The following CDC42BPA variants were observed in gnomAD, a reference collection of about 807,000 sequenced individuals.
The protein encoded by CDC42BPA is CDC42 binding protein kinase alpha, also known as serine/threonine-protein kinase MRCK alpha.
A neutral mutation model predicts 223.5 loss-of-function variants in CDC42BPA; 80 were observed. The observed-to-expected ratio is 0.36, with a 90% CI of 0.30 to 0.43. The LOEUF is 0.43. Among genes scored for constraint, CDC42BPA ranks in the 20% least tolerant of loss-of-function variants. CDC42BPA has a pLI of 1.00. For synonymous variants in CDC42BPA, 694 were observed against 718.6 expected, an observed-to-expected ratio of 0.97 and a Z score of 0.55; for missense variants, 1,743 against 2,099.9, an observed-to-expected ratio of 0.83 and a Z score of 3.32.
intron 34 of CDC42BPA, among the ~76,000 whole-genome samples, chr1:227,007,532 T>G (rs1364189306): frequency 6.6e-6 from 1 of 152,194 alleles, no homozygotes. Context: ...CAACATAATT[T>G]AAGAGTTGAT....
Position 227,139,640 on chromosome 1 carries a change from T to C in CDC42BPA, c.1326A>G (p.Glu442=), listed in dbSNP as rs1659308192. ...GGCGCTTAATTCTTCTTTCATAAGC[T>C]TCAGTTGCTAAGTTGTTGTCTAGAG... ...QRTLDNNLAT[E]AYERRIKRLE... The change falls in exon 10 of 37, where the codon GAA becomes GAG. Residue 442 remains glutamate (E), a synonymous_variant. Transcript: ENST00000366766. 1 of 1,611,942 alleles carries C rather than the reference T, an allele frequency of 6.2e-7. No individual in the cohort carries two copies. The highest frequency in any genetic ancestry group is 8.5e-7 in the Non-Finnish European group (1 of 1,179,118).
intron 2 of CDC42BPA, among the ~76,000 whole-genome samples, chr1:227,249,250 T>A (rs1461200061): frequency 6.6e-6 from 1 of 152,140 alleles, no homozygotes; most frequent in Non-Finnish European, 1.5e-5. Flanking sequence ...GGAAATTTGA[T>A]CCCTATCTCT....
At chr1:227,195,894 A>G (rs6426585) in intron 4 of CDC42BPA, among the ~76,000 whole-genome samples, 103,798 of 152,020 alleles carry the variant, frequency 0.68, 35,671 homozygotes, top group South Asian at 0.74. Context: ...AGCCCCTTCC[A>G]ATTGTTAAGA....
chr1:227,280,028 A>T (rs1687752093), intron 1 of CDC42BPA, among the ~76,000 whole-genome samples: 2 of 152,208 alleles, frequency 1.3e-5, no homozygotes, highest in Admixed American at 6.6e-5. Context: ...ACTGTAATCC[A>T]GCCTGGGCCA....
At chr1:227,117,006 A>G (rs1486996837) in intron 12 of CDC42BPA, among the ~76,000 whole-genome samples, 1 of 152,176 alleles carries the variant, frequency 6.6e-6, no homozygotes, top group Non-Finnish European at 1.5e-5. Context: ...GAACAGGAGA[A>G]AGCAGGAAGC....
intron 1 of CDC42BPA, among the ~76,000 whole-genome samples, chr1:227,290,752 T>A (rs996086258): frequency 6.6e-6 from 1 of 152,188 alleles, no homozygotes; most frequent in Non-Finnish European, 1.5e-5. Context: ...CTATAATGCA[T>A]CCTTTCCTCT....
chr1:227,098,015 A>G (rs1684335333), intron 15 of CDC42BPA, among the ~76,000 whole-genome samples: 1 of 152,192 alleles, frequency 6.6e-6, no homozygotes, highest in Admixed American at 6.5e-5. Flanking sequence ...GCTTTTTAAC[A>G]AACTTTCACT....
At chr1:227,274,234 C>G (rs1017415698) in intron 1 of CDC42BPA, among the ~76,000 whole-genome samples, 1 of 152,116 alleles carries the variant, frequency 6.6e-6, no homozygotes, top group African/African-American at 2.4e-5. Context: ...CACAAAAATT[C>G]TCCACCTTCC....
intron 10 of CDC42BPA, among the ~76,000 whole-genome samples, chr1:227,133,866 C>G (rs1414658040): frequency 6.6e-6 from 1 of 151,988 alleles, no homozygotes; most frequent in Admixed American, 6.6e-5. Context: ...AACCAGAGAC[C>G]TTTGTTCACT....
intron 20 of CDC42BPA, among the ~76,000 whole-genome samples, chr1:227,070,643 A>T (rs895878788): frequency 6.6e-6 from 1 of 151,868 alleles, no homozygotes; most frequent in African/African-American, 2.4e-5. Context: ...TCAAATATTG[A>T]GAGTGTGCCA....
intron 32 of CDC42BPA, among the ~76,000 whole-genome samples, chr1:227,022,067 T>C (rs1038215577): frequency 1.3e-5 from 2 of 151,870 alleles, no homozygotes; most frequent in Non-Finnish European, 2.9e-5. Flanking sequence ...TACCCCAAAA[T>C]AATGGGTCTA....
intron 11 of CDC42BPA, among the ~76,000 whole-genome samples, chr1:227,122,360 A>G (rs540434786): frequency 6.6e-6 from 1 of 152,276 alleles, no homozygotes; most frequent in East Asian, 1.9e-4. Context: ...TTACTGACTT[A>G]TTTCAACAGC....
chr1:227,027,018 T>C (rs1426043189), intron 30 of CDC42BPA, among the ~76,000 whole-genome samples: 3 of 152,142 alleles, frequency 2.0e-5, no homozygotes, highest in Non-Finnish European at 4.4e-5. Context: ...GCCTCGAACT[T>C]CTGGCCTCAA....
At chr1:227,249,254 T>A (rs949068015) in intron 2 of CDC42BPA, among the ~76,000 whole-genome samples, 1 of 152,210 alleles carries the variant, frequency 6.6e-6, no homozygotes, top group Admixed American at 6.5e-5. Flanking sequence ...ATTTGATCCC[T>A]ATCTCTCACC....
At chr1:227,151,990 A>G (rs1342331827) in intron 6 of CDC42BPA, among the ~76,000 whole-genome samples, 1 of 151,888 alleles carries the variant, frequency 6.6e-6, no homozygotes, top group East Asian at 1.9e-4. Context: ...CGCCACTGAC[A>G]CCAGCCTAGG....
intron 3 of CDC42BPA, among the ~76,000 whole-genome samples, chr1:227,202,082 G>C (rs992270426): frequency 1.3e-5 from 2 of 152,052 alleles, no homozygotes; most frequent in Non-Finnish European, 2.9e-5. Context: ...CTCCGGGTGT[G>C]AGCAATTCTC....
intron 6 of CDC42BPA, among the ~76,000 whole-genome samples, chr1:227,154,658 T>A (rs1036078347): frequency 6.6e-6 from 1 of 151,978 alleles, no homozygotes. Context: ...TAGGAGCAAA[T>A]CTAACTCATC....
intron 23 of CDC42BPA, among the ~76,000 whole-genome samples, chr1:227,042,518 C>G (rs1441262695): frequency 6.6e-6 from 1 of 152,038 alleles, no homozygotes; most frequent in Non-Finnish European, 1.5e-5. Context: ...TCACTAATCT[C>G]CACTAAGGAT....
chr1:227,300,691 G>C (rs1399244273), intron 1 of CDC42BPA, among the ~76,000 whole-genome samples: 3 of 152,100 alleles, frequency 2.0e-5, no homozygotes, highest in Non-Finnish European at 2.9e-5. Flanking sequence ...AAGAAAGGGG[G>C]TAAGGGATAA....
Sources: allele counts gnomAD v4.1 joint callset (sites outside exome capture counted in the v4.1 genomes callset), GRCh38; gene constraint gnomAD v4.1.1; transcripts MANE v1.5; gene names NCBI Gene and HGNC (gene_info 2026-07-23, HGNC 2026-07-21).